Variants in EEFSEC observed in about 807,000 individuals in gnomAD.
EEFSEC encodes selenocysteine-specific elongation factor.
A neutral mutation model predicts 42.1 loss-of-function variants in EEFSEC; 43 were observed. That is an observed-to-expected ratio of 1.02 (90% CI 0.80 to 1.32). The LOEUF is 1.32. Ranked by LOEUF, EEFSEC falls within the 40% of genes most tolerant of loss-of-function variation. The probability of loss-of-function intolerance (pLI) is 0.00; values close to 1 mark genes in which losing one functional copy is unlikely to be tolerated. For missense variants in EEFSEC, 745 were observed against 803.6 expected, an observed-to-expected ratio of 0.93 and a Z score of 0.88; for synonymous variants, 354 against 339.1, an observed-to-expected ratio of 1.04 and a Z score of -0.48.
At chr3:128,330,175 A>G (rs974297507) in intron 4 of EEFSEC, among the ~76,000 whole-genome samples, 3 of 152,210 alleles carry the variant, frequency 2.0e-5, no homozygotes, top group Non-Finnish European at 4.4e-5. Context: ...GAGGAGCGTA[A>G]AGCTCCCTGG....
intron 1 of EEFSEC, among the ~76,000 whole-genome samples, chr3:128,234,832 A>G (rs1214784337): frequency 6.6e-6 from 1 of 152,190 alleles, no homozygotes; most frequent in African/African-American, 2.4e-5. Flanking sequence ...TTCCCATTTC[A>G]AGATTCTTTA....
intron 4 of EEFSEC, among the ~76,000 whole-genome samples, chr3:128,268,773 T>C (rs960223194): frequency 4.6e-5 from 7 of 152,108 alleles, no homozygotes; most frequent in African/African-American, 1.4e-4. Flanking sequence ...GAGAGAGGCA[T>C]GGAGATGAGT....
chr3:128,207,005 G>A (rs966992400), intron 1 of EEFSEC, among the ~76,000 whole-genome samples: 1 of 152,114 alleles, frequency 6.6e-6, no homozygotes. Context: ...AGCTGAGGGG[G>A]CCCCTTAAGA....
At chr3:128,375,738 G>T (rs116422733) in intron 6 of EEFSEC, among the ~76,000 whole-genome samples, 4 of 152,182 alleles carry the variant, frequency 2.6e-5, no homozygotes, top group African/African-American at 7.2e-5. Context: ...CCTGGACAGA[G>T]AGCTCTGAAT....
At chr3:128,407,074 G>A (rs1441652650) in intron 6 of EEFSEC, among the ~76,000 whole-genome samples, 1 of 152,162 alleles carries the variant, frequency 6.6e-6, no homozygotes. Context: ...GAGGAGCCCA[G>A]GAATGGGCCA....
At chr3:128,308,736 A>G (rs558914744) in intron 4 of EEFSEC, among the ~76,000 whole-genome samples, 141 of 152,120 alleles carry the variant, frequency 9.3e-4, no homozygotes, top group Non-Finnish European at 1.7e-3. Flanking sequence ...CCTCACACCT[A>G]TGGCAGCCCC....
At chr3:128,206,387 G>T (rs541686202) in intron 1 of EEFSEC, among the ~76,000 whole-genome samples, 1 of 152,142 alleles carries the variant, frequency 6.6e-6, no homozygotes, top group South Asian at 2.1e-4. Context: ...TATCAGGCGC[G>T]TTTTGAACTT....
At chr3:128,248,370 A>G in intron 2 of EEFSEC, among the ~76,000 whole-genome samples, 1 of 152,136 alleles carries the variant, frequency 6.6e-6, no homozygotes, top group Non-Finnish European at 1.5e-5. Flanking sequence ...TTCAGATCCA[A>G]CACCTGCAGC....
At chr3:128,222,176 G>A (rs1420114929) in intron 1 of EEFSEC, among the ~76,000 whole-genome samples, 3 of 151,958 alleles carry the variant, frequency 2.0e-5, no homozygotes, top group Non-Finnish European at 1.5e-5. Context: ...TGGGATTACA[G>A]GTGCACACCA....
chr3:128,212,576 A>G (rs2065769896), intron 1 of EEFSEC, among the ~76,000 whole-genome samples: 1 of 152,220 alleles, frequency 6.6e-6, no homozygotes, highest in Non-Finnish European at 1.5e-5. Flanking sequence ...TTAAAACCGA[A>G]TGAGCAGTCA....
At chr3:128,417,158 C>G in the EEFSEC span, among the ~76,000 whole-genome samples, 1 of 152,130 alleles carries the variant, frequency 6.6e-6, no homozygotes, top group Non-Finnish European at 1.5e-5. The surrounding 1 kb of genome is among the most constrained non-coding windows in gnomAD (Gnocchi z 4.3). Flanking sequence ...GTCTCCTGCT[C>G]TGCCGGCTGC....
chr3:128,252,539 G>A (rs563829203), intron 2 of EEFSEC, among the ~76,000 whole-genome samples: 5 of 152,214 alleles, frequency 3.3e-5, no homozygotes, highest in African/African-American at 9.6e-5. Context: ...GGAATCAGTC[G>A]GATCCTTACA....
intron 1 of EEFSEC, among the ~76,000 whole-genome samples, chr3:128,221,654 C>T (rs2065862166): frequency 6.6e-6 from 1 of 152,140 alleles, no homozygotes; most frequent in Non-Finnish European, 1.5e-5. Context: ...CCACAGAAAA[C>T]AACGTTTGCT....
At chr3:128,261,551 C>CTTTTT (rs386397883) in intron 2 of EEFSEC, among the ~76,000 whole-genome samples, 60 of 106,826 alleles carry the variant, frequency 5.6e-4, no homozygotes, top group Middle Eastern at 6.5e-3. Context: ...CTCTTTCCCT[C>CTTTTT]TTTTTTTTTT....
At chr3:128,392,611 C>T (rs955289372) in intron 6 of EEFSEC, among the ~76,000 whole-genome samples, 1 of 152,224 alleles carries the variant, frequency 6.6e-6, no homozygotes, top group Non-Finnish European at 1.5e-5. Context: ...CTGCCCTGAC[C>T]CAGAGCATCC....
the EEFSEC span, among the ~76,000 whole-genome samples, chr3:128,422,958 A>G: frequency 6.6e-6 from 1 of 152,234 alleles, no homozygotes; most frequent in Non-Finnish European, 1.5e-5. Context: ...TGTGACCAAG[A>G]GGACCTTTCC....
chr3:128,283,313 TTTGA>T (rs1350210340), intron 4 of EEFSEC, among the ~76,000 whole-genome samples: 1 of 152,164 alleles, frequency 6.6e-6, no homozygotes, highest in African/African-American at 2.4e-5. Context: ...TGTTCGTTCG[TTTGA>T]TTATTATTAG....
At chr3:128,370,223 G>GGGCC (rs1296527574) in intron 6 of EEFSEC, among the ~76,000 whole-genome samples, 2 of 152,166 alleles carry the variant, frequency 1.3e-5, no homozygotes, top group African/African-American at 4.8e-5. Context: ...GGTGATTTCG[G>GGGCC]GGCCTTAGTG....
At chr3:128,357,107 A>G (rs1229092725) in intron 5 of EEFSEC, among the ~76,000 whole-genome samples, 1 of 151,892 alleles carries the variant, frequency 6.6e-6, no homozygotes, top group Non-Finnish European at 1.5e-5. Context: ...ACTTCTTATC[A>G]TGGGGCCCAA....
Sources: allele counts gnomAD v4.1 joint callset (sites outside exome capture counted in the v4.1 genomes callset), GRCh38; gene constraint gnomAD v4.1.1; non-coding constraint Gnocchi (gnomAD v3.1); transcripts MANE v1.5; gene names NCBI Gene and HGNC (gene_info 2026-07-23, HGNC 2026-07-21).